Variants in SLC4A10 observed in about 807,000 individuals in gnomAD.
SLC4A10 encodes solute carrier family 4 member 10.
In SLC4A10, 42 loss-of-function variants were observed where a neutral mutation model predicts 137.7. The observed-to-expected ratio is 0.30, with a 90% confidence interval of 0.24 to 0.39. The LOEUF (loss-of-function observed/expected upper bound fraction) is 0.39, where lower values mean the gene tolerates loss of function less well. SLC4A10 is among the 10% of genes least tolerant of loss of function. SLC4A10 has a pLI of 1.00. For missense variants in SLC4A10, 925 were observed against 1,355.0 expected, an observed-to-expected ratio of 0.68 and a Z score of 4.98; for synonymous variants, 474 against 464.1, an observed-to-expected ratio of 1.02 and a Z score of -0.27.
chr2:161,836,182 C>G (rs1334547040), intron 3 of SLC4A10, among the ~76,000 whole-genome samples: 1 of 146,848 alleles, frequency 6.8e-6, no homozygotes, highest in South Asian at 2.2e-4. Context: ...GAGTATGAAG[C>G]AAACAGACAG....
intron 2 of SLC4A10, among the ~76,000 whole-genome samples, chr2:161,793,057 G>C (rs929758942): frequency 3.9e-5 from 6 of 151,908 alleles, no homozygotes; most frequent in African/African-American, 1.5e-4. Flanking sequence ...TTCCATTTTG[G>C]AATATCAGTA....
At chr2:161,907,879 A>G (rs1402291424) in intron 15 of SLC4A10, among the ~76,000 whole-genome samples, 1 of 152,222 alleles carries the variant, frequency 6.6e-6, no homozygotes, top group Non-Finnish European at 1.5e-5. Flanking sequence ...TAAACTCTCC[A>G]AAAGAAACTA....
intron 1 of SLC4A10, among the ~76,000 whole-genome samples, chr2:161,631,189 A>G (rs62187656): frequency 0.081 from 12,229 of 151,638 alleles, 558 homozygotes; most frequent in East Asian, 0.14. Flanking sequence ...TTCTTTTTGC[A>G]GTGATGGAAA....
intron 1 of SLC4A10, among the ~76,000 whole-genome samples, chr2:161,766,166 A>G (rs1435886174): frequency 6.6e-6 from 1 of 152,122 alleles, no homozygotes; most frequent in African/African-American, 2.4e-5. Context: ...CTAGCTTCTC[A>G]TATTTTTCTT....
At chr2:161,662,800 T>G (rs2038594178) in intron 1 of SLC4A10, among the ~76,000 whole-genome samples, 1 of 152,242 alleles carries the variant, frequency 6.6e-6, no homozygotes, top group African/African-American at 2.4e-5. Context: ...CCTATTGCTC[T>G]CTAAGCTGAC....
chr2:161,857,845 C>T (rs1395073332), intron 5 of SLC4A10, among the ~76,000 whole-genome samples: 1 of 151,990 alleles, frequency 6.6e-6, no homozygotes, highest in Non-Finnish European at 1.5e-5. Context: ...TCAAAGATGA[C>T]CTTTGCAGAA....
At chr2:161,758,558 T>G (rs1266504256) in intron 1 of SLC4A10, among the ~76,000 whole-genome samples, 1 of 152,006 alleles carries the variant, frequency 6.6e-6, no homozygotes, top group Admixed American at 6.6e-5. Context: ...TCAAATCTAA[T>G]TTACCTGTAA....
At chr2:161,716,565 C>T (rs1306151290) in intron 1 of SLC4A10, among the ~76,000 whole-genome samples, 2 of 151,822 alleles carry the variant, frequency 1.3e-5, no homozygotes, top group Non-Finnish European at 2.9e-5. Context: ...AATAGGGAAT[C>T]CTTTCTCCAT....
intron 10 of SLC4A10, among the ~76,000 whole-genome samples, chr2:161,890,526 C>A (rs2062803543): frequency 6.6e-6 from 1 of 152,144 alleles, no homozygotes; most frequent in Non-Finnish European, 1.5e-5. Context: ...TTGCATTGAT[C>A]CCTTTACCAT....
Position 161,964,149 on chromosome 2 carries a change from A to T in SLC4A10, c.2877A>T (p.Ile959=). ...TAATCTTTTAGTTCTTTGATAGGAT[A>T]AAGCTCTTCTGGATGCCGGCAAAAC... ...SLKGIQFFDR[I]KLFWMPAKHQ... is the part of the protein sequence containing the mutation. The change falls in exon 22 of 27, where the codon ATA becomes ATT. Residue 959 remains isoleucine, a synonymous_variant. Coordinates refer to ENST00000446997, the MANE Select transcript of SLC4A10 (RefSeq NM_001178015.2). 1 of 1,609,072 alleles carries T rather than the reference A, an allele frequency of 6.2e-7. No homozygotes were observed. Among genetic ancestry groups the T allele is most frequent in the Non-Finnish European group, 8.5e-7 (1 of 1,177,298 alleles).
chr2:161,850,171 C>T lies in SLC4A10; in HGVS notation c.417-4799C>T, dbSNP rs533179524. ...TTGGGAGGTTGAGGTGGGTGGATCA[C>T]TTGAGCCCAGACATTTGAGACCAGC... On this transcript the variant is annotated intron_variant, in intron 4 of 26. Transcript: ENST00000446997. Among the ~76,000 whole-genome samples the T allele has an allele frequency of 1.2e-4, 19 of 152,172 alleles. 1 individual carries two copies. In the South Asian group the frequency reaches 1.5e-3, roughly 12 times the overall value.
chr2:161,652,834 A>G (rs1180464142), intron 1 of SLC4A10, among the ~76,000 whole-genome samples: 1 of 133,832 alleles, frequency 7.5e-6, no homozygotes, highest in Non-Finnish European at 1.6e-5. Flanking sequence ...AATGCTTCAT[A>G]CAACTGCAGA....
chr2:161,655,763 A>G (rs2037425624), intron 1 of SLC4A10, among the ~76,000 whole-genome samples: 2 of 152,314 alleles, frequency 1.3e-5, no homozygotes, highest in South Asian at 4.1e-4. Flanking sequence ...GTGATGAAGT[A>G]CATGCAAAAG....
In SLC4A10 at chr2:161,928,378, G is replaced by T. The variant is rs867204471; in HGVS notation, c.1998-14414G>T. 2.1e-3 allele frequency among the ~76,000 whole-genome samples: 213 copies of T among 102,822 alleles called. 1 individual carries two copies. Among genetic ancestry groups the T allele is most frequent in the African/African-American group, 7.1e-3 (192 of 27,000 alleles). The allele number at this position is 102,822 out of a possible 152,430, so 67.5% of individuals were successfully genotyped here. Reference sequence around the variant, plus strand: ...CACACTCTGGGGACTGTTGTGGGGTGGGGGGAGGGGGGAGGGATAGCTTTA... The same window carrying T: ...CACACTCTGGGGACTGTTGTGGGGTTGGGGGAGGGGGGAGGGATAGCTTTA... On this transcript the variant is annotated intron_variant, in intron 15 of 26. Coordinates refer to ENST00000446997, the MANE Select transcript of SLC4A10 (RefSeq NM_001178015.2).
intron 11 of SLC4A10, among the ~76,000 whole-genome samples, chr2:161,900,488 C>T (rs1025780233): frequency 7.2e-5 from 11 of 152,160 alleles, no homozygotes; most frequent in Non-Finnish European, 1.3e-4. Flanking sequence ...CTCTTTGCCC[C>T]TTCCCTTACT....
chr2:161,727,480 A>C (rs2046354777), intron 1 of SLC4A10, among the ~76,000 whole-genome samples: 1 of 152,230 alleles, frequency 6.6e-6, no homozygotes, highest in African/African-American at 2.4e-5. Context: ...CCAATACATT[A>C]GGAAAAAGAA....
At chr2:161,818,332 G>A (rs1167705040) in intron 3 of SLC4A10, among the ~76,000 whole-genome samples, 1 of 152,054 alleles carries the variant, frequency 6.6e-6, no homozygotes. Context: ...ATTGATTTTT[G>A]TATCCTGAGA....
At chr2:161,930,175 G>T (rs994370255) in intron 15 of SLC4A10, among the ~76,000 whole-genome samples, 6 of 152,096 alleles carry the variant, frequency 3.9e-5, no homozygotes, top group South Asian at 2.1e-4. Context: ...GAGAAGCTTC[G>T]TTTGTTTAAC....
chr2:161,906,029 C>G, intron 15 of SLC4A10, 142 bp downstream of exon 15: 2 of 1,116,300 alleles, frequency 1.8e-6, no homozygotes, highest in South Asian at 3.8e-5. Flanking sequence ...CAGAGTCGAA[C>G]AGGATTTTAA....
Sources: gnomAD v4.1 joint callset for allele counts (sites outside exome capture counted in the v4.1 genomes callset) on GRCh38, gnomAD v4.1.1 for gene constraint, MANE v1.5 for transcripts, NCBI Gene and HGNC (gene_info 2026-07-23, HGNC 2026-07-21) for gene names.